TAOK1: variants seen among roughly 807,000 people sequenced by gnomAD.
TAOK1 encodes serine/threonine-protein kinase TAO1.
Under a neutral mutation model 138.3 loss-of-function variants are expected in TAOK1, and 21 were observed. The ratio of observed to expected loss-of-function variants is 0.15; its 90% CI spans 0.11 to 0.22. TAOK1 has a LOEUF of 0.22. TAOK1 is among the 10% of genes least tolerant of loss of function. The pLI, the probability that TAOK1 is intolerant of heterozygous loss-of-function variation, is 1.00. For synonymous variants in TAOK1, 361 were observed against 398.4 expected, an observed-to-expected ratio of 0.91 and a Z score of 1.12; for missense variants, 651 against 1,227.7, an observed-to-expected ratio of 0.53 and a Z score of 7.02.
chr17:29,460,699 G>A (rs2030510940), intron 2 of TAOK1, among the ~76,000 whole-genome samples: 1 of 152,180 alleles, frequency 6.6e-6, no homozygotes, highest in East Asian at 1.9e-4. Flanking sequence ...CATTTGTGAA[G>A]TAAAGTTTAC....
chr17:29,449,919 A>G (rs1183990751), intron 1 of TAOK1, among the ~76,000 whole-genome samples: 1 of 152,124 alleles, frequency 6.6e-6, no homozygotes, highest in Non-Finnish European at 1.5e-5. Context: ...GTTAAAAGAA[A>G]ATAGCTAACA....
At chr17:29,539,673 T>G (rs757197724) in intron 19 of TAOK1, among the ~76,000 whole-genome samples, 51 of 152,122 alleles carry the variant, frequency 3.4e-4, no homozygotes, top group Non-Finnish European at 6.8e-4. Flanking sequence ...CGACCTCAGG[T>G]GATCCTCGTA....
At position 29,551,621 on chromosome 17, in the gene TAOK1, G is replaced by A. The variant is rs1333237507; in HGVS notation, c.*8599G>A. 1 of 152,632 alleles carries A rather than the reference G, an allele frequency of 6.6e-6. No individual in the cohort carries two copies. Among genetic ancestry groups the A allele is most frequent in the Non-Finnish European group, 1.5e-5 (1 of 68,034 alleles). 9.5% of individuals were successfully genotyped at this position (152,632 alleles called of 1,614,324 possible). On this transcript the variant is annotated 3_prime_UTR_variant, in exon 20 of 20. Coordinates refer to ENST00000261716, the MANE Select transcript of TAOK1 (RefSeq NM_020791.4). ...TCAGCACCAGCTGGTAAAGGTGACT[G>A]TACAGATGTGCATTTTCCTTTTGGT...
chr17:29,513,170 T>C (rs553987565), intron 15 of TAOK1: 3 of 151,262 alleles, frequency 2.0e-5, no homozygotes, highest in Non-Finnish European at 4.4e-5. Context: ...TTGATATTAA[T>C]GATTTTTGTA....
intron 1 of TAOK1, among the ~76,000 whole-genome samples, chr17:29,428,661 G>A (rs1905724280): frequency 6.6e-6 from 1 of 152,024 alleles, no homozygotes; most frequent in Non-Finnish European, 1.5e-5. Context: ...TTTGAGACAA[G>A]ATCTGGCTGT....
At chr17:29,539,791 G>A (rs936966600) in intron 19 of TAOK1, among the ~76,000 whole-genome samples, 2 of 151,962 alleles carry the variant, frequency 1.3e-5, no homozygotes, top group African/African-American at 4.8e-5. Flanking sequence ...AAGGTGGGAG[G>A]ATAGCCTGAG....
rs1188649941 is a variant in TAOK1, at chr17:29,548,814, G to T, written c.*5792G>T. ...TAGAGAGAAGTTGCTGTCATTACCA[G>T]TTGTGGTCCTAGCATCTAACCCTGA... is the stretch of plus-strand genomic sequence containing the variant. On this transcript the variant is annotated 3_prime_UTR_variant, in exon 20 of 20. Transcript: ENST00000261716. 1 of 152,154 alleles carries T rather than the reference G, an allele frequency of 6.6e-6. No homozygotes were observed. The highest frequency in any genetic ancestry group is 1.5e-5 in the Non-Finnish European group (1 of 68,002). The allele number at this position is 152,154 out of a possible 1,614,324, so 9.4% of individuals were successfully genotyped here.
At chr17:29,484,332 CA>C (rs899450185) in intron 8 of TAOK1, among the ~76,000 whole-genome samples, 2 of 152,102 alleles carry the variant, frequency 1.3e-5, no homozygotes, top group Non-Finnish European at 2.9e-5. Flanking sequence ...ATTTTACTTA[CA>C]AATGTTTTGA....
At chr17:29,411,123 G>T (rs1281272638) in intron 1 of TAOK1, among the ~76,000 whole-genome samples, 7 of 108,806 alleles carry the variant, frequency 6.4e-5, no homozygotes, top group African/African-American at 2.5e-4. Context: ...ACGGAGTCTC[G>T]CTCTGTCGCC....
intron 1 of TAOK1, among the ~76,000 whole-genome samples, chr17:29,421,353 T>C (rs1300423700): frequency 6.6e-6 from 1 of 152,262 alleles, no homozygotes; most frequent in Non-Finnish European, 1.5e-5. Flanking sequence ...AATGTTTTGT[T>C]GCAATTTTTA....
intron 1 of TAOK1, among the ~76,000 whole-genome samples, chr17:29,412,035 CTCTT>C (rs751277093): frequency 2.0e-5 from 3 of 151,374 alleles, no homozygotes; most frequent in Non-Finnish European, 4.4e-5. Context: ...CTCTCTCTCT[CTCTT>C]TCTCTCTCTC....
chr17:29,488,721 G>A (rs2031232900), intron 8 of TAOK1, among the ~76,000 whole-genome samples: 1 of 151,854 alleles, frequency 6.6e-6, no homozygotes, highest in Non-Finnish European at 1.5e-5. Context: ...GATACAGAAA[G>A]GCGACCATAC....
At chr17:29,409,281 A>G (rs1905079129) in intron 1 of TAOK1, among the ~76,000 whole-genome samples, 1 of 147,168 alleles carries the variant, frequency 6.8e-6, no homozygotes, top group Non-Finnish European at 1.5e-5. Context: ...ATTGCTAGCA[A>G]TATTTGTATA....
At chr17:29,483,101 A>G (rs2031097339) in intron 8 of TAOK1, among the ~76,000 whole-genome samples, 1 of 152,098 alleles carries the variant, frequency 6.6e-6, no homozygotes, top group Non-Finnish European at 1.5e-5. Flanking sequence ...TTTTTGAGAC[A>G]TGGTCTTGCT....
At position 29,534,146 on chromosome 17, in the gene TAOK1, A is replaced by C. The variant is rs1218558472; in HGVS notation, c.2390A>C (p.Glu797Ala). The C allele has an allele frequency of 2.5e-6, 4 of 1,610,522 alleles. No homozygotes were observed. Among genetic ancestry groups the C allele is most frequent in the Non-Finnish European group, 3.4e-6 (4 of 1,178,800 alleles). ...ALRLDEAQEAECQVLKMQLQQ... is the reference protein window; with the variant it reads ...ALRLDEAQEAACQVLKMQLQQ... ...CGTTTGGATGAAGCACAGGAAGCAG[A>C]GTGCCAGGTTTTGAAGATGCAGCTG... The change falls in exon 19 of 20, where the codon GAG becomes GCG. Residue 797 changes from glutamate to alanine, a missense_variant. This residue lies in a region of TAOK1 where 258 missense variants were observed against 548.9 expected (regional missense o/e 0.47). Transcript: ENST00000261716.
chr17:29,530,830 G>C, intron 18 of TAOK1: 1 of 579,024 alleles, frequency 1.7e-6, no homozygotes, highest in Non-Finnish European at 3.1e-6. Flanking sequence ...TAGACATGAG[G>C]TTCTAAATAG....
Position 29,551,585 on chromosome 17 carries a change from C to T in TAOK1, c.*8563C>T, listed in dbSNP as rs1047317666. On this transcript the variant is annotated 3_prime_UTR_variant, in exon 20 of 20. Coordinates refer to ENST00000261716, the MANE Select transcript of TAOK1 (RefSeq NM_020791.4). ...AAGGGTTGCATTGGGGAAGAAGCCT[C>T]TCCCTCTCTGTCAGCACCAGCTGGT... The T allele has an allele frequency of 6.6e-6, 1 of 152,652 alleles. No individual in the cohort carries two copies. The highest frequency in any genetic ancestry group is 1.5e-5 in the Non-Finnish European group (1 of 68,036). The allele number at this position is 152,652 out of a possible 1,614,324, so 9.5% of individuals were successfully genotyped here.
intron 1 of TAOK1, among the ~76,000 whole-genome samples, chr17:29,402,103 T>C (rs1465929088): frequency 3.3e-5 from 5 of 152,316 alleles, no homozygotes; most frequent in Non-Finnish European, 5.9e-5. Context: ...ATTGGGTATA[T>C]TTACCTTTCC....
At chr17:29,516,375 C>T (rs915747200) in intron 15 of TAOK1, among the ~76,000 whole-genome samples, 4 of 151,816 alleles carry the variant, frequency 2.6e-5, no homozygotes, top group Admixed American at 6.6e-5. Context: ...CACTCTGTCA[C>T]GCAGGCTGGA....
Sources: allele counts gnomAD v4.1 joint callset (sites outside exome capture counted in the v4.1 genomes callset), GRCh38; gene constraint gnomAD v4.1.1; regional missense constraint gnomAD v4.1.1; transcripts MANE v1.5; gene names NCBI Gene and HGNC (gene_info 2026-07-23, HGNC 2026-07-21).